DCLK1: variants seen among roughly 807,000 people sequenced by gnomAD.
DCLK1 encodes the protein doublecortin like kinase 1, also known as serine/threonine-protein kinase DCLK1.
DCLK1 carries 16 observed loss-of-function variants against 86.2 expected under a neutral mutation model. The ratio of observed to expected loss-of-function variants is 0.19; its 90% CI spans 0.13 to 0.28. The LOEUF is 0.28. DCLK1 is among the 10% of genes least tolerant of loss of function. The pLI, the probability that DCLK1 is intolerant of heterozygous loss-of-function variation, is 1.00. For missense variants in DCLK1, 590 were observed against 940.2 expected (o/e 0.63, Z 4.87); for synonymous variants, 369 against 370.5 (o/e 1.00, Z 0.05).
Position 35,827,733 on chromosome 13 carries a change from C to T in DCLK1, c.1309G>A (p.Val437Met), listed in dbSNP as rs1868598786. The T allele has an allele frequency of 6.2e-7, 1 of 1,613,856 alleles. No individual in the cohort carries two copies. Among genetic ancestry groups the T allele is most frequent in the Non-Finnish European group, 8.5e-7 (1 of 1,179,976 alleles). ...RGKEHMIQNE[V>M]SILRRVKHPN... ...TGCTTCACTCTTCTTAAAATAGACA[C>T]TTCATTCTGGATCATGTGCTCCTGT... Residue 437 changes from valine to methionine, a missense_variant, in exon 10 of 17, where the codon GTG becomes ATG. Physicochemically the swap from Val to Met is conservative, Grantham distance 21 (BLOSUM62 1). Around this residue, in one of 6 missense-constraint regions of DCLK1, gnomAD observed 108 missense variants for 195.7 expected, o/e 0.55. Transcript: ENST00000360631.
chr13:36,077,876 T>C (rs906821289), intron 3 of DCLK1, among the ~76,000 whole-genome samples: 1 of 152,208 alleles, frequency 6.6e-6, no homozygotes, highest in South Asian at 2.1e-4. Flanking sequence ...GAATGTGCAA[T>C]GTCATGAACA....
chr13:35,917,776 T>G lies in DCLK1; in HGVS notation c.823+29582A>C, dbSNP rs73511246. Reference sequence around the variant, plus strand: ...AAAATCATTAGTTACCCTGGGAATATTTTAGGCAGAGCTCAGCAGAGCATT... The same window carrying G: ...AAAATCATTAGTTACCCTGGGAATAGTTTAGGCAGAGCTCAGCAGAGCATT... On this transcript the variant is annotated intron_variant, in intron 4 of 16. Transcript: ENST00000360631. 6.6e-3 allele frequency among the ~76,000 whole-genome samples: 1,004 copies of G among 152,154 alleles called. 18 individuals are homozygous for G. The highest frequency in any genetic ancestry group is 0.023 in the African/African-American group (947 of 41,532).
At chr13:35,837,492 A>G (rs999281190) in intron 7 of DCLK1, among the ~76,000 whole-genome samples, 8 of 152,128 alleles carry the variant, frequency 5.3e-5, no homozygotes, top group Non-Finnish European at 8.8e-5. Flanking sequence ...CCTCTGTTTG[A>G]AGGACTCAGC....
At position 35,769,994 on chromosome 13, in the gene DCLK1, A is replaced by G. The variant is rs1350278425; in HGVS notation, c.*4541T>C. On this transcript the variant is annotated 3_prime_UTR_variant, in exon 17 of 17. Coordinates refer to ENST00000360631, the MANE Select transcript of DCLK1 (RefSeq NM_001330071.2). ...TGTTGAAACCCAACAATAAACAAAC[A>G]AACAAAAACCCCCACTCTAACCAGA... is the stretch of plus-strand genomic sequence containing the variant. 2 of 152,238 alleles carry G rather than the reference A, an allele frequency of 1.3e-5. No individual in the cohort carries two copies. The highest frequency in any genetic ancestry group is 2.9e-5 in the Non-Finnish European group (2 of 68,032). 9.4% of individuals were successfully genotyped at this position (152,238 alleles called of 1,614,324 possible).
At chr13:36,103,551 T>C (rs1885295119) in intron 3 of DCLK1, among the ~76,000 whole-genome samples, 1 of 152,212 alleles carries the variant, frequency 6.6e-6, no homozygotes, top group African/African-American at 2.4e-5. Flanking sequence ...ATATTAATCT[T>C]ACAAAGGACA....
intron 16 of DCLK1, among the ~76,000 whole-genome samples, chr13:35,783,635 G>T (rs2086569256): frequency 1.3e-5 from 2 of 152,122 alleles, no homozygotes; most frequent in Non-Finnish European, 2.9e-5. Context: ...GCCCAGGCTG[G>T]AGTGCAGTGG....
At chr13:35,799,647 C>T (rs1007080891) in intron 15 of DCLK1, among the ~76,000 whole-genome samples, 5 of 151,882 alleles carry the variant, frequency 3.3e-5, no homozygotes, top group East Asian at 1.9e-4. Flanking sequence ...AAGAATAACT[C>T]GGGATAAGGT....
intron 3 of DCLK1, among the ~76,000 whole-genome samples, chr13:35,960,612 T>C (rs2153137186): frequency 6.6e-6 from 1 of 152,290 alleles, no homozygotes; most frequent in South Asian, 2.1e-4. Flanking sequence ...CATTCACCAC[T>C]ACAGCTGGCT....
In DCLK1 at chr13:35,873,869, G is replaced by C. The variant is rs141648119; in HGVS notation, c.824-2529C>G. 9.7e-4 allele frequency among the ~76,000 whole-genome samples: 147 copies of C among 152,166 alleles called. 2 individuals carry two copies. Among genetic ancestry groups the C allele is most frequent in the African/African-American group, 3.3e-3 (138 of 41,540 alleles). Reference sequence around the variant, plus strand: ...TTTCCCACACGCATATTAGCCATTTGGATTTCTTCTTTTGCAATTACTTAT... The same window carrying C: ...TTTCCCACACGCATATTAGCCATTTCGATTTCTTCTTTTGCAATTACTTAT... On this transcript the variant is annotated intron_variant, in intron 4 of 16. Coordinates refer to ENST00000360631, the MANE Select transcript of DCLK1 (RefSeq NM_001330071.2).
chr13:35,810,628 T>G (rs544568982), intron 12 of DCLK1, among the ~76,000 whole-genome samples: 3 of 152,330 alleles, frequency 2.0e-5, no homozygotes, highest in Admixed American at 6.5e-5. Context: ...AGCCTTAAGA[T>G]TGCAGTAATT....
chr13:35,944,086 T>C (rs539455918), intron 4 of DCLK1, among the ~76,000 whole-genome samples: 33 of 152,322 alleles, frequency 2.2e-4, no homozygotes, highest in East Asian at 1.9e-3. Flanking sequence ...GGAGTCTCCC[T>C]GGCAGTTTCC....
chr13:36,087,169 GCA>G (rs1275385216), intron 3 of DCLK1, among the ~76,000 whole-genome samples: 1 of 152,134 alleles, frequency 6.6e-6, no homozygotes, highest in Non-Finnish European at 1.5e-5. Flanking sequence ...ATTCCAACTG[GCA>G]TGGGATGGTA....
rs564459268 is a variant in DCLK1 at position 35,880,387 on chromosome 13, G to A, written c.824-9047C>T. Among the ~76,000 whole-genome samples, 6 of 152,288 alleles carry A rather than the reference G, an allele frequency of 3.9e-5. No individual in the cohort carries two copies. The East Asian group carries it at 1.2e-3, about 29-fold the overall frequency. ...CACAAGCATGGCCCGTGATCAGGCT[G>A]CCCTCTAGGTAAGGTTCTTTCCCTT... On this transcript the variant is annotated intron_variant, in intron 4 of 16. Coordinates refer to ENST00000360631, the MANE Select transcript of DCLK1 (RefSeq NM_001330071.2).
At chr13:36,064,598 G>T (rs532692023) in intron 3 of DCLK1, among the ~76,000 whole-genome samples, 195 of 151,912 alleles carry the variant, frequency 1.3e-3, no homozygotes, top group Non-Finnish European at 2.1e-3. Context: ...GTCAGAAGTT[G>T]CAGTGAGCTG....
rs552372031 is a variant in DCLK1 at position 36,028,119 on chromosome 13, T to C, written c.724-80662A>G. Among the ~76,000 whole-genome samples the C allele has an allele frequency of 4.6e-5, 7 of 152,354 alleles. No homozygotes were observed. The South Asian group carries it at 1.4e-3, about 32-fold the overall frequency. ...TTTTAGAAGACTTGCTTTTCAGCTT[T>C]CCAGGTATTTTAAAATTACTATGAA... On this transcript the variant is annotated intron_variant, in intron 3 of 16. Coordinates refer to ENST00000360631, the MANE Select transcript of DCLK1 (RefSeq NM_001330071.2).
rs2153096030 is a variant in DCLK1, at chr13:35,768,841, G to C, written c.*5694C>G. ...TAATTTTTAAAGCCTTGCATAGAGAGAATTCCCCCTAAGAACACAGCTGGG... is the reference window on the plus strand; with the variant it reads ...TAATTTTTAAAGCCTTGCATAGAGACAATTCCCCCTAAGAACACAGCTGGG... On this transcript the variant is annotated 3_prime_UTR_variant, in exon 17 of 17. Coordinates refer to ENST00000360631, the MANE Select transcript of DCLK1 (RefSeq NM_001330071.2). The C allele has an allele frequency of 6.6e-6, 1 of 152,290 alleles. No homozygotes were observed. 9.4% of individuals were successfully genotyped at this position (152,290 alleles called of 1,614,324 possible). A position where few individuals can be genotyped will look rare whatever the true frequency, so the allele number is the denominator to read the frequency against.
intron 3 of DCLK1, among the ~76,000 whole-genome samples, chr13:36,049,671 C>A (rs1221633070): frequency 1.3e-5 from 2 of 152,132 alleles, no homozygotes; most frequent in Non-Finnish European, 2.9e-5. Context: ...GGCAATAAAT[C>A]TGTTCCACTA....
At chr13:36,000,661 A>G (rs1328494262) in intron 3 of DCLK1, among the ~76,000 whole-genome samples, 1 of 152,214 alleles carries the variant, frequency 6.6e-6, no homozygotes, top group Non-Finnish European at 1.5e-5. Flanking sequence ...TGGGGAATTT[A>G]GACATCATAA....
chr13:35,811,758 C>T (rs1000511191), intron 11 of DCLK1, among the ~76,000 whole-genome samples: 1 of 151,772 alleles, frequency 6.6e-6, no homozygotes, highest in Admixed American at 6.6e-5. Context: ...CACTTGAACC[C>T]GGGAGGTGGA....
Sources: allele counts gnomAD v4.1 joint callset (sites outside exome capture counted in the v4.1 genomes callset), GRCh38; gene constraint gnomAD v4.1.1; regional missense constraint gnomAD v4.1.1; transcripts MANE v1.5; gene names NCBI Gene and HGNC (gene_info 2026-07-23, HGNC 2026-07-21).